The following UBAP2 variants were observed in gnomAD, a reference collection of about 807,000 sequenced individuals.
The protein encoded by UBAP2 is ubiquitin-associated protein 2.
In UBAP2, 75 loss-of-function variants were observed where a neutral mutation model predicts 139.6. The ratio of observed to expected loss-of-function variants is 0.54; its 90% CI spans 0.45 to 0.65. The LOEUF is 0.65. Ranked by LOEUF, UBAP2 falls within the 30% of genes least tolerant of loss-of-function variation. The probability of loss-of-function intolerance (pLI) is 0.00; values close to 1 mark genes in which losing one functional copy is unlikely to be tolerated. For synonymous variants in UBAP2, 526 were observed against 526.2 expected, an observed-to-expected ratio of 1.00 and a Z score of 0.01; for missense variants, 1,368 against 1,369.6, an observed-to-expected ratio of 1.00 and a Z score of 0.02.
At chr9:34,008,961 CAAAAAAAAAAAAAA>C (rs773189067) in intron 2 of UBAP2, among the ~76,000 whole-genome samples, 42 of 65,720 alleles carry the variant, frequency 6.4e-4, no homozygotes, top group Admixed American at 2.1e-3. Flanking sequence ...GAGACTGTCT[CAAAAAAAAAAAAAA>C]AAAAAAAAAA....
rs373015894 is a variant in UBAP2, at chr9:33,926,989, C to T, written c.2463G>A (p.Pro821=). 2.9e-5 allele frequency: 47 copies of T among 1,613,520 alleles called. No homozygotes were observed. The highest frequency in any genetic ancestry group is 2.1e-4 in the African/African-American group (16 of 74,894). Residue 821 remains proline, a splice_region_variant and synonymous_variant, in exon 21 of 29, where the codon CCG becomes CCA. Coordinates refer to ENST00000379238, the MANE Select transcript of UBAP2 (RefSeq NM_001370062.2). Reference sequence around the variant, plus strand: ...GCCAGGAGTTCCGCCATACACTCACCGGGTAGGCAGGAAGCAGTCCTCCGG... The same window carrying T: ...GCCAGGAGTTCCGCCATACACTCACTGGGTAGGCAGGAAGCAGTCCTCCGG... ...VGPGGLLPAY[P]IYGYDELQML...
chr9:33,950,308 T>G (rs1825995307), intron 12 of UBAP2, among the ~76,000 whole-genome samples: 1 of 152,064 alleles, frequency 6.6e-6, no homozygotes, highest in Admixed American at 6.6e-5. Context: ...CCTGACCTTG[T>G]GATCCACCTG....
intron 4 of UBAP2, among the ~76,000 whole-genome samples, chr9:33,989,405 G>A (rs1277708062): frequency 6.6e-6 from 1 of 152,046 alleles, no homozygotes; most frequent in Non-Finnish European, 1.5e-5. Flanking sequence ...GTTTCATCGT[G>A]TTAGCCATGA....
intron 2 of UBAP2, among the ~76,000 whole-genome samples, chr9:34,005,593 CAATT>C (rs1425519212): frequency 6.6e-6 from 1 of 151,708 alleles, no homozygotes; most frequent in African/African-American, 2.4e-5. Flanking sequence ...TAAAACTTAA[CAATT>C]AATGTCTCAA....
At chr9:34,035,111 T>C (rs973366931) in intron 1 of UBAP2, among the ~76,000 whole-genome samples, 50 of 152,208 alleles carry the variant, frequency 3.3e-4, no homozygotes, top group African/African-American at 1.1e-3. Context: ...CCTATCACTC[T>C]AACAGTAGGA....
intron 9 of UBAP2, among the ~76,000 whole-genome samples, chr9:33,961,235 A>G (rs1194007296): frequency 1.3e-5 from 2 of 152,232 alleles, no homozygotes; most frequent in African/African-American, 4.8e-5. Context: ...ACATTTAACA[A>G]TGGTTTGATT....
chr9:34,024,240 G>A (rs1472790105), intron 1 of UBAP2, among the ~76,000 whole-genome samples: 40 of 152,014 alleles, frequency 2.6e-4, no homozygotes, highest in Admixed American at 2.6e-3. Context: ...TACTCAGGAG[G>A]CTGAGGCAGG....
intron 16 of UBAP2, among the ~76,000 whole-genome samples, chr9:33,937,325 CAG>C (rs1408897029): frequency 6.6e-6 from 1 of 151,810 alleles, no homozygotes; most frequent in East Asian, 1.9e-4. Flanking sequence ...ATCAAGTTGA[CAG>C]GGGATGCAGT....
chr9:33,942,444 G>T (rs1447602116), intron 15 of UBAP2, among the ~76,000 whole-genome samples: 3 of 151,374 alleles, frequency 2.0e-5, no homozygotes, highest in Non-Finnish European at 4.4e-5. Flanking sequence ...CAACAACAAA[G>T]TCAGCCAGGC....
chr9:33,926,196 A>G (rs922048363), intron 22 of UBAP2, among the ~76,000 whole-genome samples: 1 of 152,208 alleles, frequency 6.6e-6, no homozygotes, highest in Non-Finnish European at 1.5e-5. Context: ...GTCACTGGCC[A>G]TCTCAGACCA....
chr9:34,016,936 T>G, intron 2 of UBAP2, 114 bp downstream of exon 2: 1 of 733,938 alleles, frequency 1.4e-6, no homozygotes, highest in Non-Finnish European at 2.2e-6. Flanking sequence ...TGCTCTCCCT[T>G]AATTTCCTTA....
At chr9:34,035,510 A>ATATATATATATATAT (rs1554692760) in intron 1 of UBAP2, among the ~76,000 whole-genome samples, 3 of 3,812 alleles carry the variant, frequency 7.9e-4, no homozygotes, top group Admixed American at 2.2e-3. Context: ...TAAAAAAAAA[A>ATATATATATATATAT]AAAAATATAT....
At chr9:34,037,763 A>G (rs992785317) in intron 1 of UBAP2, among the ~76,000 whole-genome samples, 9 of 152,146 alleles carry the variant, frequency 5.9e-5, no homozygotes, top group African/African-American at 2.2e-4. Flanking sequence ...TTCAGTCACA[A>G]TATGTAAATA....
chr9:33,962,621 G>A (rs927709440), intron 9 of UBAP2, among the ~76,000 whole-genome samples: 2 of 150,560 alleles, frequency 1.3e-5, no homozygotes, highest in African/African-American at 4.9e-5. Context: ...TCCAGCCTGG[G>A]CAACAGAGCA....
chr9:34,013,383 C>T (rs555083180), intron 2 of UBAP2, among the ~76,000 whole-genome samples: 1 of 152,102 alleles, frequency 6.6e-6, no homozygotes, highest in Admixed American at 6.6e-5. Context: ...AACCCCGTCT[C>T]TACCAAACAT....
chr9:34,022,430 C>CT (rs1414039414), intron 1 of UBAP2, among the ~76,000 whole-genome samples: 188 of 117,728 alleles, frequency 1.6e-3, no homozygotes, highest in African/African-American at 6.1e-3. Context: ...CACAGCAAGA[C>CT]CCCTTTTTTT....
At chr9:33,957,887 C>T (rs1204704210) in intron 10 of UBAP2, among the ~76,000 whole-genome samples, 1 of 148,612 alleles carries the variant, frequency 6.7e-6, no homozygotes, top group Non-Finnish European at 1.5e-5. Context: ...AATTGTTTAC[C>T]GGTTCAACAA....
intron 2 of UBAP2, among the ~76,000 whole-genome samples, chr9:34,002,438 C>T (rs1346884831): frequency 1.4e-5 from 2 of 145,228 alleles, no homozygotes; most frequent in African/African-American, 2.6e-5. Flanking sequence ...GAGTGCATGG[C>T]GCGATATCGG....
intron 13 of UBAP2, among the ~76,000 whole-genome samples, chr9:33,945,846 AG>A: frequency 6.6e-6 from 1 of 152,340 alleles, no homozygotes; most frequent in South Asian, 2.1e-4. Flanking sequence ...ATGGACTTTT[AG>A]GTCAAATCTT....
Sources: allele counts gnomAD v4.1 joint callset (sites outside exome capture counted in the v4.1 genomes callset), GRCh38; gene constraint gnomAD v4.1.1; transcripts MANE v1.5; gene names NCBI Gene and HGNC (gene_info 2026-07-23, HGNC 2026-07-21).